Variants in CDH12 observed in about 807,000 individuals in gnomAD.
The protein encoded by CDH12 is cadherin-12.
A neutral mutation model predicts 74.1 loss-of-function variants in CDH12; 41 were observed. The ratio of observed to expected loss-of-function variants is 0.55; its 90% CI spans 0.43 to 0.72. The LOEUF is 0.72. Among genes scored for constraint, CDH12 ranks in the 30% least tolerant of loss-of-function variants. CDH12 has a pLI of 0.00. For synonymous variants in CDH12, 399 were observed against 355.0 expected (o/e 1.12, Z -1.39); for missense variants, 945 against 977.2 (o/e 0.97, Z 0.44).
intron 1 of CDH12, among the ~76,000 whole-genome samples, chr5:22,765,725 G>C (rs1167598042): frequency 6.6e-6 from 1 of 151,426 alleles, no homozygotes; most frequent in African/African-American, 2.4e-5. Context: ...TCAAACTTCT[G>C]GGTAATAAGA....
At chr5:22,284,174 G>A (rs1463210843) in intron 3 of CDH12, among the ~76,000 whole-genome samples, 1 of 152,100 alleles carries the variant, frequency 6.6e-6, no homozygotes, top group Non-Finnish European at 1.5e-5. Context: ...GAACTTTGAA[G>A]AACTGCAGAA....
chr5:21,817,974 T>C (rs1291328218), intron 8 of CDH12, among the ~76,000 whole-genome samples: 1 of 152,050 alleles, frequency 6.6e-6, no homozygotes, highest in Non-Finnish European at 1.5e-5. Context: ...GACATTATTT[T>C]AAGGTTTTGT....
chr5:22,494,543 T>C (rs1045954318), intron 2 of CDH12, among the ~76,000 whole-genome samples: 7 of 152,258 alleles, frequency 4.6e-5, no homozygotes, highest in African/African-American at 1.7e-4. Flanking sequence ...TGTTTTGATC[T>C]TTATTTTGAA....
chr5:22,056,540 T>C (rs954366113), intron 5 of CDH12, among the ~76,000 whole-genome samples: 2 of 152,186 alleles, frequency 1.3e-5, no homozygotes, highest in Non-Finnish European at 1.5e-5. Context: ...TGAGAATCTA[T>C]GTCTTCGTTG....
Position 22,322,595 on chromosome 5 carries a change from G to A in CDH12, c.-333+82662C>T, listed in dbSNP as rs1738932812. Among the ~76,000 whole-genome samples the A allele has an allele frequency of 3.9e-5, 6 of 152,254 alleles. 2 individuals are homozygous for A. The South Asian group carries it at 1.0e-3, about 26-fold the overall frequency. On this transcript the variant is annotated intron_variant, in intron 3 of 14. Transcript: ENST00000382254. The stretch of plus-strand genomic sequence containing the variant: ...CTCTGAGACACTCATACACATACAC[G>A]GAGGTTGAAAAATCAGTTATTAGGT...
intron 1 of CDH12, among the ~76,000 whole-genome samples, chr5:22,649,604 A>T (rs1288510493): frequency 1.3e-5 from 2 of 152,058 alleles, no homozygotes; most frequent in Non-Finnish European, 2.9e-5. Context: ...GTAATTTGAC[A>T]TTTGGTGGCA....
chr5:22,160,794 C>T (rs1748298792), intron 4 of CDH12, among the ~76,000 whole-genome samples: 1 of 152,148 alleles, frequency 6.6e-6, no homozygotes, highest in Non-Finnish European at 1.5e-5. Flanking sequence ...TTTATGAATG[C>T]TCCACCCTCA....
chr5:22,120,837 T>G (rs1745468620), intron 4 of CDH12, among the ~76,000 whole-genome samples: 1 of 152,196 alleles, frequency 6.6e-6, no homozygotes, highest in Admixed American at 6.5e-5. Context: ...GTAACTTCTA[T>G]ACCTCAAATG....
At chr5:22,028,780 C>A (rs1397459635) in intron 5 of CDH12, among the ~76,000 whole-genome samples, 1 of 152,052 alleles carries the variant, frequency 6.6e-6, no homozygotes, top group African/African-American at 2.4e-5. Context: ...TCATATGGAA[C>A]CAAAAAAGAG....
intron 1 of CDH12, among the ~76,000 whole-genome samples, chr5:22,795,646 A>G (rs1748158167): frequency 4.0e-5 from 6 of 151,482 alleles, no homozygotes; most frequent in Admixed American, 3.3e-4. Context: ...TGCATTAATT[A>G]TGGCTGAAGA....
At chr5:22,394,849 G>T (rs1296209414) in intron 3 of CDH12, among the ~76,000 whole-genome samples, 4 of 152,144 alleles carry the variant, frequency 2.6e-5, no homozygotes, top group Admixed American at 2.6e-4. Flanking sequence ...ATCAATTTTG[G>T]CTTCTGGGTT....
At chr5:22,316,453 A>G (rs530552711) in intron 3 of CDH12, among the ~76,000 whole-genome samples, 1 of 152,262 alleles carries the variant, frequency 6.6e-6, no homozygotes, top group South Asian at 2.1e-4. Context: ...TGCCAATATT[A>G]TTTTATTTTG....
intron 3 of CDH12, among the ~76,000 whole-genome samples, chr5:22,214,115 A>G (rs1045241156): frequency 6.6e-6 from 1 of 152,046 alleles, no homozygotes; most frequent in Non-Finnish European, 1.5e-5. Flanking sequence ...AAAGTATCTC[A>G]TTAAAATACA....
chr5:22,188,388 A>G (rs896027498), intron 4 of CDH12, among the ~76,000 whole-genome samples: 2 of 151,706 alleles, frequency 1.3e-5, no homozygotes, highest in Non-Finnish European at 2.9e-5. Context: ...CAGCCTGCAG[A>G]ACCATGAGCT....
chr5:22,051,941 T>C (rs1223260702), intron 5 of CDH12, among the ~76,000 whole-genome samples: 1 of 152,140 alleles, frequency 6.6e-6, no homozygotes, highest in African/African-American at 2.4e-5. Context: ...TACTTGCAGA[T>C]TATGTATTTC....
intron 4 of CDH12, among the ~76,000 whole-genome samples, chr5:22,211,734 T>C (rs144144109): frequency 0.028 from 4,198 of 151,828 alleles, 86 homozygotes; most frequent in African/African-American, 0.057. Context: ...CTTCAATTCA[T>C]TATATCTTAA....
intron 1 of CDH12, among the ~76,000 whole-genome samples, chr5:22,766,061 A>T (rs1746495825): frequency 6.6e-6 from 1 of 152,010 alleles, no homozygotes; most frequent in South Asian, 2.1e-4. Flanking sequence ...ATTGAAAATG[A>T]AAATCATGAG....
intron 2 of CDH12, among the ~76,000 whole-genome samples, chr5:22,410,619 T>C (rs1480043189): frequency 6.6e-6 from 1 of 152,168 alleles, no homozygotes; most frequent in Non-Finnish European, 1.5e-5. Flanking sequence ...CTCTCATTTA[T>C]ACATATTAAA....
intron 11 of CDH12, among the ~76,000 whole-genome samples, chr5:21,767,989 A>G (rs914057188): frequency 2.6e-5 from 4 of 151,764 alleles, no homozygotes; most frequent in African/African-American, 9.7e-5. Context: ...CATCTAATGA[A>G]TATTTGGGGC....
Sources: allele counts gnomAD v4.1 joint callset (sites outside exome capture counted in the v4.1 genomes callset), GRCh38; gene constraint gnomAD v4.1.1; transcripts MANE v1.5; gene names NCBI Gene and HGNC (gene_info 2026-07-23, HGNC 2026-07-21).